Variants in SGCD observed in about 807,000 individuals in gnomAD.
SGCD encodes the protein delta-sarcoglycan.
A neutral mutation model predicts 36.6 loss-of-function variants in SGCD; 18 were observed. The ratio of observed to expected loss-of-function variants is 0.49; its 90% confidence interval spans 0.34 to 0.73. The LOEUF is 0.73. SGCD is among the 30% of genes least tolerant of loss of function. SGCD has a pLI of 0.01. For missense variants in SGCD, 387 were observed against 346.7 expected (o/e 1.12, Z -0.92); for synonymous variants, 133 against 130.6 (o/e 1.02, Z -0.12).
intron 1 of SGCD, among the ~76,000 whole-genome samples, chr5:156,012,238 A>C (rs1758873295): frequency 6.6e-6 from 1 of 152,232 alleles, no homozygotes; most frequent in African/African-American, 2.4e-5. Context: ...TACGAAAGAA[A>C]TTCTCACCAC....
At chr5:155,915,067 T>C (rs1756708090) in intron 1 of SGCD, among the ~76,000 whole-genome samples, 1 of 152,190 alleles carries the variant, frequency 6.6e-6, no homozygotes, top group African/African-American at 2.4e-5. Flanking sequence ...AAATAGAAGA[T>C]GCAATCCCTG....
At position 155,905,780 on chromosome 5, in the gene SGCD, CT is replaced by C. The variant is rs202211572; in HGVS notation, c.-282+35360del. ...CTGATGGGTTTATCAGGGGTTTCTG[CT>C]TTTGCTTTTTCCTCATTTTTCTCTT... On this transcript the variant is annotated intron_variant, in intron 1 of 9. Coordinates refer to the SGCD transcript ENST00000517913. 9.1e-4 allele frequency among the ~76,000 whole-genome samples: 139 copies of C among 152,140 alleles called. 1 individual carries two copies. The East Asian group carries it at 0.017, about 18-fold the overall frequency.
chr5:156,517,285 T>C (rs975857747), intron 4 of SGCD, among the ~76,000 whole-genome samples: 2 of 151,618 alleles, frequency 1.3e-5, no homozygotes, highest in African/African-American at 4.8e-5. Flanking sequence ...GTACACAAGA[T>C]TAGAGAAAAA....
intron 1 of SGCD, among the ~76,000 whole-genome samples, chr5:155,994,007 A>C (rs1001898107): frequency 6.6e-6 from 1 of 152,164 alleles, no homozygotes; most frequent in Admixed American, 6.5e-5. Context: ...GGAATGAGAG[A>C]TATTGTAGTG....
chr5:155,807,073 T>G, the SGCD span, among the ~76,000 whole-genome samples: 1 of 152,228 alleles, frequency 6.6e-6, no homozygotes, highest in Non-Finnish European at 1.5e-5. Flanking sequence ...CTTGCCTTCT[T>G]GCTTATTTTA....
At chr5:155,915,619 G>T (rs951986409) in intron 1 of SGCD, among the ~76,000 whole-genome samples, 2 of 152,044 alleles carry the variant, frequency 1.3e-5, no homozygotes, top group African/African-American at 2.4e-5. Context: ...ATTGATTTAT[G>T]TTTGAAAACA....
intron 7 of SGCD, among the ~76,000 whole-genome samples, chr5:156,752,688 C>T (rs970000181): frequency 2.6e-5 from 4 of 152,168 alleles, no homozygotes; most frequent in African/African-American, 9.7e-5. Flanking sequence ...GCTACCGTGC[C>T]GGCCAGCATT....
At chr5:155,820,714 A>C in the SGCD span, among the ~76,000 whole-genome samples, 2 of 152,102 alleles carry the variant, frequency 1.3e-5, no homozygotes, top group African/African-American at 4.8e-5. Flanking sequence ...AAATAATAAT[A>C]AATAAAATAC....
At chr5:155,928,389 C>T (rs570772369) in intron 1 of SGCD, among the ~76,000 whole-genome samples, 9 of 151,996 alleles carry the variant, frequency 5.9e-5, no homozygotes, top group African/African-American at 7.2e-5. Context: ...TAAAACAGGC[C>T]GAGCATGGTG....
At chr5:156,671,483 A>G (rs1407629184) in intron 7 of SGCD, among the ~76,000 whole-genome samples, 1 of 152,094 alleles carries the variant, frequency 6.6e-6, no homozygotes, top group African/African-American at 2.4e-5. Context: ...CATGTTGGTC[A>G]GGCTGGTCTC....
chr5:156,500,331 G>A (rs1446761389), intron 3 of SGCD, among the ~76,000 whole-genome samples: 1 of 152,188 alleles, frequency 6.6e-6, no homozygotes, highest in Admixed American at 6.5e-5. Flanking sequence ...TGAGACTACA[G>A]CAGTGAATAA....
At chr5:156,652,265 G>A (rs1350957812) in intron 7 of SGCD, among the ~76,000 whole-genome samples, 1 of 151,964 alleles carries the variant, frequency 6.6e-6, no homozygotes, top group Non-Finnish European at 1.5e-5. Context: ...AGGATCACTT[G>A]AGCCCAGGAG....
chr5:156,267,875 G>C (rs374072279), intron 3 of SGCD, among the ~76,000 whole-genome samples: 135 of 152,162 alleles, frequency 8.9e-4, no homozygotes, highest in African/African-American at 3.2e-3. Context: ...TACATATTCA[G>C]GTTTGTTATA....
chr5:156,160,339 C>G (rs1443181763), intron 3 of SGCD, among the ~76,000 whole-genome samples: 1 of 151,570 alleles, frequency 6.6e-6, no homozygotes, highest in Non-Finnish European at 1.5e-5. Flanking sequence ...AATAATTGGT[C>G]TTCCGAGTTT....
At chr5:155,956,532 G>T (rs1336222249) in intron 1 of SGCD, among the ~76,000 whole-genome samples, 2 of 152,062 alleles carry the variant, frequency 1.3e-5, no homozygotes, top group African/African-American at 4.8e-5. Flanking sequence ...GTCTCATAGG[G>T]CTGCCATAAC....
chr5:156,441,723 T>C (rs763117658), intron 3 of SGCD, among the ~76,000 whole-genome samples: 8 of 152,172 alleles, frequency 5.3e-5, no homozygotes, highest in Non-Finnish European at 1.2e-4. Context: ...TGTATAAGTA[T>C]AGAGAAAGTT....
At chr5:156,050,964 TTTG>T (rs1210132325) in intron 1 of SGCD, among the ~76,000 whole-genome samples, 3 of 146,468 alleles carry the variant, frequency 2.0e-5, no homozygotes, top group East Asian at 3.8e-4. Context: ...CTAAGTCTCT[TTTG>T]ACATAAAAGG....
At chr5:155,736,613 T>G in the SGCD span, among the ~76,000 whole-genome samples, 7 of 152,196 alleles carry the variant, frequency 4.6e-5, no homozygotes, top group African/African-American at 1.4e-4. Context: ...TGTTAATAAC[T>G]AGACCTAATA....
intron 4 of SGCD, among the ~76,000 whole-genome samples, chr5:156,558,088 AATAT>A (rs67339181): frequency 0.11 from 10,632 of 95,382 alleles, 590 homozygotes; most frequent in African/African-American, 0.15. Flanking sequence ...AGTAAATACA[AATAT>A]ATATATATAT....
Sources: gnomAD v4.1 joint callset for allele counts (sites outside exome capture counted in the v4.1 genomes callset) on GRCh38, gnomAD v4.1.1 for gene constraint, MANE v1.5 for transcripts, NCBI Gene and HGNC (gene_info 2026-07-23, HGNC 2026-07-21) for gene names.